The following SLC22A9 variants were observed in gnomAD, a reference collection of about 807,000 sequenced individuals.
The protein encoded by SLC22A9 is organic anion transporter 7.
Under a neutral mutation model 50.1 loss-of-function variants are expected in SLC22A9, and 64 were observed. That is an observed-to-expected ratio of 1.28 (90% CI 1.04 to 1.57). SLC22A9 has a LOEUF of 1.57. SLC22A9 is among the 40% of genes most tolerant of loss of function. SLC22A9 has a pLI of 0.00. For synonymous variants in SLC22A9, 261 were observed against 242.5 expected, an observed-to-expected ratio of 1.08 and a Z score of -0.71; for missense variants, 757 against 676.1, an observed-to-expected ratio of 1.12 and a Z score of -1.33.
intron 6 of SLC22A9, among the ~76,000 whole-genome samples, chr11:63,393,683 G>A (rs1591023089): frequency 6.6e-6 from 1 of 151,974 alleles, no homozygotes; most frequent in African/African-American, 2.4e-5. Context: ...GTCTGATGGG[G>A]TTCCCTTTGT....
At chr11:63,396,379 C>T (rs986036990) in intron 6 of SLC22A9, among the ~76,000 whole-genome samples, 4 of 152,290 alleles carry the variant, frequency 2.6e-5, no homozygotes, top group East Asian at 1.9e-4. Flanking sequence ...CTGCTGCTTC[C>T]TCTGCCCCTG....
At chr11:63,408,358 C>T (rs921302591) in intron 8 of SLC22A9, 138 bp downstream of exon 8, 1 of 737,058 alleles carries the variant, frequency 1.4e-6, no homozygotes. Flanking sequence ...TAATTATAGA[C>T]CAACTTTATC....
intron 5 of SLC22A9, among the ~76,000 whole-genome samples, chr11:63,377,628 A>T (rs1387482771): frequency 6.6e-6 from 1 of 152,090 alleles, no homozygotes; most frequent in African/African-American, 2.4e-5. Context: ...TAACAACCTA[A>T]CCTCAAACCT....
intron 6 of SLC22A9, among the ~76,000 whole-genome samples, chr11:63,397,708 C>T (rs1051099847): frequency 3.3e-5 from 5 of 152,124 alleles, no homozygotes; most frequent in Non-Finnish European, 4.4e-5. Flanking sequence ...AATGTGCACT[C>T]AAGGTCTAAG....
At chr11:63,370,564 T>C in intron 1 of SLC22A9, 106 bp downstream of exon 1, 1 of 1,293,596 alleles carries the variant, frequency 7.7e-7, no homozygotes, top group Non-Finnish European at 1.0e-6. Flanking sequence ...TCCTTAGTCT[T>C]CATTCTTTCA....
chr11:63,376,858 C>G (rs1049288978), intron 5 of SLC22A9, among the ~76,000 whole-genome samples: 3 of 151,548 alleles, frequency 2.0e-5, no homozygotes, highest in African/African-American at 7.3e-5. Flanking sequence ...AAAGAAAAAT[C>G]TAACAAGCAA....
At position 63,408,703 on chromosome 11, in the gene SLC22A9, C is replaced by A; in HGVS notation, c.1425C>A (p.Thr475=). ...CAAGAGCTATGGGGATCAATGCAAC[C>A]TTTGCTAATATAGCAGGAGCCCTGG... ...IRARAMGINA[T]FANIAGALAP... The change falls in exon 9 of 10, where the codon ACC becomes ACA. Residue 475 remains threonine (T), a synonymous_variant. Transcript: ENST00000279178. The A allele has an allele frequency of 6.2e-7, 1 of 1,613,894 alleles. No homozygotes were observed. The highest frequency in any genetic ancestry group is 8.5e-7 in the Non-Finnish European group (1 of 1,179,870).
Position 63,406,533 on chromosome 11 carries a change from C to G in SLC22A9, c.1110C>G (p.Leu370=), listed in dbSNP as rs1462135741. The G allele has an allele frequency of 6.2e-7, 1 of 1,613,616 alleles. No homozygotes were observed. Among genetic ancestry groups the G allele is most frequent in the African/African-American group, 1.3e-5 (1 of 74,880 alleles). Residue 370 remains leucine, a synonymous_variant, in exon 7 of 10, where the codon CTC becomes CTG. Coordinates refer to ENST00000279178, the MANE Select transcript of SLC22A9 (RefSeq NM_080866.3). ...TTATGGCCTATTTTGGCCTTAATCT[C>G]CATGTCCAGCATCTGGGGAACAATG... The part of the protein sequence containing the change: ...ANFMAYFGLN[L]HVQHLGNNVF...
At chr11:63,405,342 G>A (rs1420371643) in intron 6 of SLC22A9, among the ~76,000 whole-genome samples, 3 of 152,134 alleles carry the variant, frequency 2.0e-5, no homozygotes, top group Admixed American at 2.0e-4. Context: ...GTGAGAACTA[G>A]AAACTGTGTC....
At chr11:63,384,638 T>G (rs193078156) in intron 6 of SLC22A9, among the ~76,000 whole-genome samples, 153 of 152,296 alleles carry the variant, frequency 1.0e-3, no homozygotes, top group African/African-American at 3.5e-3. Context: ...ATGATGTATA[T>G]TCCTTTGCGT....
intron 6 of SLC22A9, 79 bp from the exon 7 acceptor site, chr11:63,406,418 C>A (rs1428564240): frequency 5.4e-6 from 7 of 1,306,768 alleles, no homozygotes; most frequent in Non-Finnish European, 6.5e-6. Context: ...CCCTAGCTGC[C>A]TGGGCCAATA....
intron 6 of SLC22A9, among the ~76,000 whole-genome samples, chr11:63,399,369 C>T (rs113389204): frequency 2.6e-5 from 4 of 152,148 alleles, no homozygotes; most frequent in African/African-American, 9.6e-5. Context: ...GTATTCCATG[C>T]AAACAGAGGG....
chr11:63,400,145 C>A (rs1043738876), intron 6 of SLC22A9, among the ~76,000 whole-genome samples: 12 of 151,654 alleles, frequency 7.9e-5, no homozygotes, highest in African/African-American at 2.9e-4. Context: ...CAAATGAAAC[C>A]CAAAATTAGC....
chr11:63,395,847 G>C (rs1215201451), intron 6 of SLC22A9, among the ~76,000 whole-genome samples: 1 of 152,136 alleles, frequency 6.6e-6, no homozygotes, highest in Non-Finnish European at 1.5e-5. Flanking sequence ...AGGCATGTCT[G>C]AGCTCAGACT....
chr11:63,373,856 A>G (rs200893919), intron 3 of SLC22A9, 38 bp from the exon 4 acceptor site: 15 of 1,605,770 alleles, frequency 9.3e-6, no homozygotes, highest in Non-Finnish European at 1.1e-5. Flanking sequence ...TTGAAACTCC[A>G]CCTTTGAAGT....
chr11:63,410,257 A>AAAAAAAAAAAGAAGGAAAGAAAGAAAG lies in SLC22A9; in HGVS notation c.*398_*399insAAAAAAAGAAGGAAAGAAAGAAAGAAA. On this transcript the variant is annotated 3_prime_UTR_variant, in exon 10 of 10. Transcript: ENST00000279178. ...CTGTCTCAAAAAAAAAAAAAAAAAA[A>AAAAAAAAAAAGAAGGAAAGAAAGAAAG]AAAGAAAGAAGGAAAGAAAGAAAGA... 1.4e-4 allele frequency: 15 copies of AAAAAAAAAAAGAAGGAAAGAAAGAAAG among 108,472 alleles called. No individual in the cohort carries two copies. Among genetic ancestry groups the AAAAAAAAAAAGAAGGAAAGAAAGAAAG allele is most frequent in the East Asian group, 5.5e-4 (1 of 1,802 alleles). The allele number at this position is 108,472 out of a possible 1,614,324, so 6.7% of individuals were successfully genotyped here.
Position 63,370,310 on chromosome 11 carries a change from C to A in SLC22A9, c.254C>A (p.Pro85Gln). 6.2e-7 allele frequency: 1 copy of A among 1,614,024 alleles called. No homozygotes were observed. Among genetic ancestry groups the A allele is most frequent in the Non-Finnish European group, 8.5e-7 (1 of 1,179,918 alleles). Residue 85 changes from proline (P) to glutamine (Q), a missense_variant, in exon 1 of 10, where the codon CCA becomes CAA. Physicochemically the swap from Pro to Gln is moderately conservative, Grantham distance 76. Coordinates refer to ENST00000279178, the MANE Select transcript of SLC22A9 (RefSeq NM_080866.3). ...ISIPLDSNMR[P>Q]EKCRRFVHPQ... Reference sequence around the variant, plus strand: ...ATCCCACTGGACTCAAACATGAGGCCAGAGAAGTGTCGTCGCTTTGTTCAT... The same window carrying A: ...ATCCCACTGGACTCAAACATGAGGCAAGAGAAGTGTCGTCGCTTTGTTCAT...
Position 63,370,387 on chromosome 11 carries a change from G to C in SLC22A9, c.331G>C (p.Ala111Pro). ...LNGTFPNTSD[A>P]DMEPCVDGWV... ...TGGGACCTTCCCCAACACAAGTGAC[G>C]CAGACATGGAGCCCTGTGTGGATGG... The change falls in exon 1 of 10, where the codon GCA becomes CCA. Residue 111 changes from alanine to proline, a missense_variant. Coordinates refer to ENST00000279178, the MANE Select transcript of SLC22A9 (RefSeq NM_080866.3). 6.2e-7 allele frequency: 1 copy of C among 1,613,656 alleles called. No homozygotes were observed. The highest frequency in any genetic ancestry group is 8.5e-7 in the Non-Finnish European group (1 of 1,179,694).
chr11:63,401,732 A>G (rs181007886), intron 6 of SLC22A9, among the ~76,000 whole-genome samples: 8 of 152,220 alleles, frequency 5.3e-5, no homozygotes, highest in African/African-American at 1.9e-4. Context: ...CCCGCAGTCT[A>G]CTAGTGTTCC....
Sources: gnomAD v4.1 joint callset for allele counts (sites outside exome capture counted in the v4.1 genomes callset) on GRCh38, gnomAD v4.1.1 for gene constraint, MANE v1.5 for transcripts, NCBI Gene and HGNC (gene_info 2026-07-23, HGNC 2026-07-21) for gene names.